SARS1: variants seen among roughly 807,000 people sequenced by gnomAD.
SARS1 encodes serine--tRNA ligase, cytoplasmic.
SARS1 carries 25 observed loss-of-function variants against 63.7 expected under a neutral mutation model. The observed-to-expected ratio is 0.39, with a 90% CI of 0.29 to 0.55. The LOEUF (loss-of-function observed/expected upper bound fraction) is 0.55, where lower values mean the gene tolerates loss of function less well. Among genes scored for constraint, SARS1 ranks in the 20% least tolerant of loss-of-function variants. The pLI is 0.62. For synonymous variants in SARS1, 231 were observed against 243.5 expected (o/e 0.95, Z 0.48); for missense variants, 417 against 649.7 (o/e 0.64, Z 3.89).
chr1:109,218,694 G>C (rs1327452230), intron 1 of SARS1, among the ~76,000 whole-genome samples: 1 of 152,060 alleles, frequency 6.6e-6, no homozygotes, highest in African/African-American at 2.4e-5. Flanking sequence ...TCACACTTCT[G>C]TGACTGTTGC....
rs745898215 is a variant in SARS1 at position 109,214,632 on chromosome 1, A to G, written c.136+504A>G. On this transcript the variant is annotated intron_variant, in intron 1 of 10. Transcript: ENST00000234677. This position sits in a 1 kb window ranked among gnomAD's most constrained non-coding sequence, Gnocchi z 4.6. ...TATCGGAAGCATTTCGGGGCGTTGG[A>G]GGCCGCTCTTGGCCAAAATAAATGA... The G allele has an allele frequency of 1.5e-5, 15 of 985,826 alleles. No homozygotes were observed. Among genetic ancestry groups the G allele is most frequent in the Non-Finnish European group, 1.8e-5 (15 of 830,170 alleles). 61.1% of individuals were successfully genotyped at this position (985,826 alleles called of 1,614,324 possible). A position where few individuals can be genotyped will look rare whatever the true frequency, so the allele number is the denominator to read the frequency against.
intron 3 of SARS1, among the ~76,000 whole-genome samples, 177 bp from the exon 4 acceptor site, chr1:109,229,237 C>CTG (rs1218515505): frequency 6.6e-6 from 1 of 152,196 alleles, no homozygotes; most frequent in Non-Finnish European, 1.5e-5. Context: ...TAGGGCAAGA[C>CTG]TGTGTATATC....
intron 6 of SARS1, among the ~76,000 whole-genome samples, chr1:109,234,080 T>C (rs1309185660): frequency 6.6e-6 from 1 of 151,690 alleles, no homozygotes. Flanking sequence ...GGTTTTGTCA[T>C]GTTGGCCAGG....
intron 2 of SARS1, among the ~76,000 whole-genome samples, chr1:109,225,979 T>C (rs1196620839): frequency 2.0e-5 from 3 of 152,128 alleles, no homozygotes; most frequent in Admixed American, 2.0e-4. Flanking sequence ...TCTGATAGTT[T>C]CAGATTTTTC....
intron 1 of SARS1, among the ~76,000 whole-genome samples, chr1:109,219,497 A>C (rs1654876615): frequency 6.6e-6 from 1 of 150,630 alleles, no homozygotes; most frequent in Non-Finnish European, 1.5e-5. Flanking sequence ...TGTAGTATAT[A>C]CTTTTGCATA....
At position 109,235,943 on chromosome 1, in the gene SARS1, C is replaced by T. The variant is rs375302822; in HGVS notation, c.970-34C>T. The T allele has an allele frequency of 1.6e-5, 25 of 1,576,134 alleles. No homozygotes were observed. Among genetic ancestry groups the T allele is most frequent in the South Asian group, 2.4e-5 (2 of 83,894 alleles). On this transcript the variant is annotated intron_variant, in intron 7 of 10. Transcript: ENST00000234677. This position sits in a 1 kb window ranked among gnomAD's most constrained non-coding sequence, Gnocchi z 4.7. The stretch of plus-strand genomic sequence containing the variant: ...CTTCAGTCCTTTATTCACCCTATAC[C>T]GCTGTCACCGTTTCCTTGGGTCCCT...
At chr1:109,233,216 GC>G (rs1655242839) in intron 6 of SARS1, among the ~76,000 whole-genome samples, 1 of 151,234 alleles carries the variant, frequency 6.6e-6, no homozygotes, top group African/African-American at 2.4e-5. Flanking sequence ...TCACTATGTT[GC>G]CCAAACTGAT....
chr1:109,216,231 A>G (rs1174232632), intron 1 of SARS1: 3 of 985,396 alleles, frequency 3.0e-6, no homozygotes, highest in Non-Finnish European at 1.2e-6. Context: ...CCAGAGCCAC[A>G]TTAAGAACTC....
At chr1:109,216,997 C>T (rs1009124362) in intron 1 of SARS1, 3 of 985,308 alleles carry the variant, frequency 3.0e-6, no homozygotes, top group South Asian at 4.7e-5. Context: ...GCCCCAGCAA[C>T]TGGAATAGCT....
At chr1:109,230,239 T>C (rs1655178862) in intron 4 of SARS1, among the ~76,000 whole-genome samples, 1 of 152,018 alleles carries the variant, frequency 6.6e-6, no homozygotes, top group African/African-American at 2.4e-5. Context: ...GGGTTGTCCT[T>C]GTGCAGGATT....
intron 2 of SARS1, among the ~76,000 whole-genome samples, chr1:109,228,093 G>A (rs2101196920): frequency 6.6e-6 from 1 of 152,236 alleles, no homozygotes; most frequent in Admixed American, 6.5e-5. Context: ...TCTTCAGGAT[G>A]TTAATTCTCT....
At chr1:109,215,718 G>C (rs1654769013) in intron 1 of SARS1, 1 of 911,746 alleles carries the variant, frequency 1.1e-6, no homozygotes, top group Non-Finnish European at 1.3e-6. Flanking sequence ...GTTTTGTTTT[G>C]TTTTTGAGAC....
intron 2 of SARS1, among the ~76,000 whole-genome samples, chr1:109,226,995 CTTTT>C (rs562155510): frequency 7.6e-6 from 1 of 131,242 alleles, no homozygotes; most frequent in Non-Finnish European, 1.6e-5. Context: ...TTCTTTAACT[CTTTT>C]TTTTTTTTTT....
Position 109,226,681 on chromosome 1 carries a change from T to TATATATATATATATATACAC in SARS1, c.208-1669_208-1650dup, listed in dbSNP as rs1553177750. Among the ~76,000 whole-genome samples the TATATATATATATATATACAC allele has an allele frequency of 2.0e-3, 74 of 36,184 alleles. No individual in the cohort carries two copies. In the South Asian group the frequency reaches 0.032, roughly 16 times the overall value. The allele number at this position is 36,184 out of a possible 152,430, so 23.7% of individuals were successfully genotyped here. On this transcript the variant is annotated intron_variant, in intron 2 of 10. Transcript: ENST00000234677. ...GCTAATTTAAAAAAAAAAAAAAATA[T>TATATATATATATATATACAC]ATATATATATATATATACACACACA...
chr1:109,233,207 C>G lies in SARS1; in HGVS notation c.747+1421C>G, dbSNP rs575717588. Among the ~76,000 whole-genome samples, 36 of 151,924 alleles carry G rather than the reference C, an allele frequency of 2.4e-4. No homozygotes were observed. The South Asian group carries it at 7.1e-3, about 30-fold the overall frequency. ...AATTTCCTATGTAGAGACAGGGTCT[C>G]ACTATGTTGCCCAAACTGATTTCAA... On this transcript the variant is annotated intron_variant, in intron 6 of 10. Transcript: ENST00000234677.
intron 3 of SARS1, among the ~76,000 whole-genome samples, chr1:109,229,115 C>T (rs1377933150): frequency 2.0e-5 from 3 of 152,178 alleles, no homozygotes; most frequent in Non-Finnish European, 4.4e-5. Context: ...GGAAAGTTCT[C>T]ATAAGAGAGC....
Position 109,236,121 on chromosome 1 carries a change from C to A in SARS1, c.1099+15C>A, listed in dbSNP as rs1397072410. 1.2e-6 allele frequency: 2 copies of A among 1,605,522 alleles called. No individual in the cohort carries two copies. The highest frequency in any genetic ancestry group is 2.2e-5 in the East Asian group (1 of 44,874). ...TATTGTCTCAGGTATGGGACCCAGC[C>A]TCTTCTCAGCCTCCCTTTCCTGTAA... On this transcript the variant is annotated intron_variant, in intron 8 of 10. Transcript: ENST00000234677.
intron 1 of SARS1, among the ~76,000 whole-genome samples, chr1:109,219,385 A>T (rs141702750): frequency 6.7e-6 from 1 of 148,188 alleles, no homozygotes; most frequent in East Asian, 2.0e-4. Context: ...AGATTGCCTT[A>T]TGCCACCTCC....
At chr1:109,231,998 C>T (rs140909301) in intron 6 of SARS1, among the ~76,000 whole-genome samples, 3 of 152,150 alleles carry the variant, frequency 2.0e-5, no homozygotes, top group South Asian at 2.1e-4. Context: ...CTAATGACTG[C>T]CATATTAGAC....
Sources: gnomAD v4.1 joint callset for allele counts (sites outside exome capture counted in the v4.1 genomes callset) on GRCh38, gnomAD v4.1.1 for gene constraint, Gnocchi (gnomAD v3.1) non-coding constraint, MANE v1.5 for transcripts, NCBI Gene and HGNC (gene_info 2026-07-23, HGNC 2026-07-21) for gene names.